The following ATP2B2 variants were observed in gnomAD, a reference collection of about 807,000 sequenced individuals.
ATP2B2 encodes ATPase plasma membrane Ca2+ transporting 2, also known as plasma membrane calcium-transporting ATPase 2.
In ATP2B2, 15 loss-of-function variants were observed where a neutral mutation model predicts 120.0. The observed-to-expected ratio is 0.12, with a 90% CI of 0.08 to 0.19. The LOEUF (loss-of-function observed/expected upper bound fraction) is 0.19. Ranked by LOEUF, ATP2B2 falls within the 10% of genes least tolerant of loss-of-function variation. The pLI, the probability that ATP2B2 is intolerant of heterozygous loss-of-function variation, is 1.00. For missense variants in ATP2B2, 1,045 were observed against 1,719.8 expected, an observed-to-expected ratio of 0.61 and a Z score of 6.94; for synonymous variants, 694 against 700.3, an observed-to-expected ratio of 0.99 and a Z score of 0.14.
intron 12 of ATP2B2, among the ~76,000 whole-genome samples, chr3:10,367,845 G>C (rs914979819): frequency 6.6e-6 from 1 of 152,222 alleles, no homozygotes; most frequent in Non-Finnish European, 1.5e-5. Context: ...AAAGCACTCA[G>C]CATTGAGCCT....
chr3:10,570,509 C>A (rs1489543692), intron 2 of ATP2B2: 1 of 152,194 alleles, frequency 6.6e-6, no homozygotes, highest in Non-Finnish European at 1.5e-5. Flanking sequence ...CGGGCTGGAG[C>A]CATCATGGGC....
chr3:10,422,041 A>T (rs2062998601), intron 2 of ATP2B2, among the ~76,000 whole-genome samples: 1 of 152,110 alleles, frequency 6.6e-6, no homozygotes, highest in African/African-American at 2.4e-5. Context: ...TGGGGGTCAA[A>T]CACCAACTGA....
intron 3 of ATP2B2, among the ~76,000 whole-genome samples, chr3:10,525,733 C>T (rs2067077917): frequency 6.6e-6 from 1 of 152,086 alleles, no homozygotes; most frequent in African/African-American, 2.4e-5. Flanking sequence ...ATATTTTAAT[C>T]TGGGCGGTGG....
chr3:10,565,776 A>T (rs1286270535), intron 2 of ATP2B2, among the ~76,000 whole-genome samples: 1 of 152,186 alleles, frequency 6.6e-6, no homozygotes, highest in Non-Finnish European at 1.5e-5. Context: ...AAGTTACTTC[A>T]ACAAACGTAA....
intron 1 of ATP2B2, among the ~76,000 whole-genome samples, chr3:10,620,235 G>A (rs531506887): frequency 1.9e-4 from 29 of 152,208 alleles, no homozygotes; most frequent in Admixed American, 1.8e-3. Flanking sequence ...CCTCCTTCCT[G>A]GAGACAAATC....
At chr3:10,599,681 C>A (rs973991212) in intron 2 of ATP2B2, among the ~76,000 whole-genome samples, 1 of 151,964 alleles carries the variant, frequency 6.6e-6, no homozygotes, top group Admixed American at 6.6e-5. Flanking sequence ...TAGGTGGAGT[C>A]TTTGCCCCCA....
intron 1 of ATP2B2, among the ~76,000 whole-genome samples, chr3:10,485,747 G>C (rs1442862277): frequency 6.6e-6 from 1 of 152,136 alleles, no homozygotes; most frequent in Non-Finnish European, 1.5e-5. Flanking sequence ...TGCGGTGGGG[G>C]CTTCCTGGCT....
chr3:10,444,191 C>T (rs1276255989), intron 2 of ATP2B2, among the ~76,000 whole-genome samples: 1 of 152,220 alleles, frequency 6.6e-6, no homozygotes, highest in Non-Finnish European at 1.5e-5. Context: ...AGTGAATTCC[C>T]CATGCCGACT....
At position 10,329,116 on chromosome 3, in the gene ATP2B2, C is replaced by T. The variant is rs373130153; in HGVS notation, c.3430G>A (p.Val1144Met). ...LNRIQTQIRVVKAFRSSLYEG... is the reference protein window; with the variant it reads ...LNRIQTQIRVMKAFRSSLYEG... ...TAGAGAGAGCTACGGAACGCCTTCA[C>T]GACGCGGATCTGCAAGGGAAGCACA... Residue 1144 changes from valine to methionine, a missense_variant, in exon 23 of 23, where the codon GTG becomes ATG. Coordinates refer to ENST00000360273, the MANE Select transcript of ATP2B2 (RefSeq NM_001001331.4). This position sits in a 1 kb window ranked among gnomAD's most constrained non-coding sequence, Gnocchi z 5.9. The T allele has an allele frequency of 2.5e-6, 4 of 1,612,848 alleles. No individual in the cohort carries two copies. The highest frequency in any genetic ancestry group is 2.5e-6 in the Non-Finnish European group (3 of 1,179,762).
intron 1 of ATP2B2, among the ~76,000 whole-genome samples, chr3:10,468,857 C>A (rs550508999): frequency 2.6e-5 from 4 of 152,350 alleles, no homozygotes; most frequent in African/African-American, 7.2e-5. Context: ...CTTGCTCCAC[C>A]CCACCCCAAT....
intron 5 of ATP2B2, among the ~76,000 whole-genome samples, chr3:10,397,675 G>T (rs976944245): frequency 6.6e-6 from 1 of 152,150 alleles, no homozygotes; most frequent in South Asian, 2.1e-4. Context: ...AAGACAAGGT[G>T]GATCAGTAGA....
chr3:10,675,429 C>T (rs977252234), intron 1 of ATP2B2, among the ~76,000 whole-genome samples: 2 of 152,180 alleles, frequency 1.3e-5, no homozygotes, highest in Non-Finnish European at 2.9e-5. Flanking sequence ...GTGGTTCATA[C>T]AATTTCTGAT....
At chr3:10,662,438 A>G (rs2070810739) in intron 1 of ATP2B2, among the ~76,000 whole-genome samples, 1 of 138,002 alleles carries the variant, frequency 7.2e-6, no homozygotes. Flanking sequence ...GAAGGACATG[A>G]ACAGACACTT....
chr3:10,550,204 A>G (rs1054485162), intron 2 of ATP2B2, among the ~76,000 whole-genome samples: 5 of 152,220 alleles, frequency 3.3e-5, no homozygotes, highest in East Asian at 1.9e-4. Flanking sequence ...TATGAAAGCA[A>G]TAAGTGTTTA....
At chr3:10,667,353 G>A (rs1484427861) in intron 1 of ATP2B2, among the ~76,000 whole-genome samples, 1 of 152,174 alleles carries the variant, frequency 6.6e-6, no homozygotes, top group East Asian at 1.9e-4. Flanking sequence ...TTATGTCTTT[G>A]GGTGATTCAG....
chr3:10,375,930 A>ATAGTATGTGC lies in ATP2B2; in HGVS notation c.1202-296_1202-287dup, dbSNP rs1469181039. Reference sequence around the variant, plus strand: ...AAAGTGCCCAGCATAGTGCTCGGCAATAGTATGTGCTCGACACATAGTAGG... The same window carrying ATAGTATGTGC: ...AAAGTGCCCAGCATAGTGCTCGGCAATAGTATGTGCTAGTATGTGCTCGACACATAGTAGG... On this transcript the variant is annotated intron_variant, in intron 10 of 22. Transcript: ENST00000360273. This position sits in a 1 kb window ranked among gnomAD's most constrained non-coding sequence, Gnocchi z 4.2. 1.3e-5 allele frequency among the ~76,000 whole-genome samples: 2 copies of ATAGTATGTGC among 152,256 alleles called. No individual in the cohort carries two copies. Among genetic ancestry groups the ATAGTATGTGC allele is most frequent in the African/African-American group, 4.8e-5 (2 of 41,474 alleles).
intron 12 of ATP2B2, among the ~76,000 whole-genome samples, chr3:10,360,584 G>A (rs961102514): frequency 6.6e-6 from 1 of 152,194 alleles, no homozygotes. Flanking sequence ...ATTACCATGT[G>A]TGTATTTAAC....
intron 1 of ATP2B2, among the ~76,000 whole-genome samples, chr3:10,683,379 T>C (rs1279146638): frequency 6.6e-6 from 1 of 152,012 alleles, no homozygotes; most frequent in East Asian, 1.9e-4. Flanking sequence ...AACTTCCTCA[T>C]GGGTTGGGAA....
intron 1 of ATP2B2, among the ~76,000 whole-genome samples, chr3:10,464,162 C>T (rs1415197297): frequency 6.6e-6 from 1 of 152,226 alleles, no homozygotes; most frequent in Non-Finnish European, 1.5e-5. Flanking sequence ...CGGAGACGAA[C>T]AGAATCCACC....
Sources: allele counts gnomAD v4.1 joint callset (sites outside exome capture counted in the v4.1 genomes callset), GRCh38; gene constraint gnomAD v4.1.1; non-coding constraint Gnocchi (gnomAD v3.1); transcripts MANE v1.5; gene names NCBI Gene and HGNC (gene_info 2026-07-23, HGNC 2026-07-21).